FAT2: variants seen among roughly 807,000 people sequenced by gnomAD.
The protein encoded by FAT2 is FAT atypical cadherin 2, also known as protocadherin Fat 2.
Under a neutral mutation model 295.3 loss-of-function variants are expected in FAT2, and 150 were observed. That is an observed-to-expected ratio of 0.51 (90% CI 0.44 to 0.58). FAT2 has a LOEUF of 0.58. Among genes scored for constraint, FAT2 ranks in the 20% least tolerant of loss-of-function variants. FAT2 has a pLI of 0.00. For synonymous variants in FAT2, 2,026 were observed against 2,150.3 expected (o/e 0.94, Z 1.60); for missense variants, 4,868 against 5,442.7 (o/e 0.89, Z 3.32).
At chr5:151,535,985 A>G (rs890780926) in intron 12 of FAT2, among the ~76,000 whole-genome samples, 5 of 152,186 alleles carry the variant, frequency 3.3e-5, no homozygotes, top group African/African-American at 1.2e-4. Context: ...ATGAATTATG[A>G]TAGAGCTTTG....
At chr5:151,517,207 TA>T (rs1752959279) in intron 20 of FAT2, among the ~76,000 whole-genome samples, 2 of 152,044 alleles carry the variant, frequency 1.3e-5, no homozygotes, top group Admixed American at 6.5e-5. Context: ...ATAATCCAAA[TA>T]ACTGAATGAT....
At chr5:151,553,050 G>T in intron 6 of FAT2, 127 bp downstream of exon 6, 1 of 863,692 alleles carries the variant, frequency 1.2e-6, no homozygotes, top group Non-Finnish European at 1.8e-6. Flanking sequence ...CCCCACTCCG[G>T]GCTGAAAGAG....
At chr5:151,553,467 C>T (rs1463478259) in intron 5 of FAT2, 80 bp from the exon 6 acceptor site, 3 of 1,253,914 alleles carry the variant, frequency 2.4e-6, no homozygotes, top group African/African-American at 1.5e-5. Flanking sequence ...GGAACCAGAG[C>T]GTCCTGTGAT....
chr5:151,567,893 T>A lies in FAT2; in HGVS notation c.1039A>T (p.Ile347Phe), dbSNP rs766932102. ...GAAGGTGGTAGGTGAAAGCCCCTGA[T>A]CTGGGAATAAAAATAAGGGCCGCTC... ...SGSGPYFYSQ[I>F]RGFHLPPSKL... Residue 347 changes from isoleucine to phenylalanine, a missense_variant, in exon 2 of 24, where the codon ATC becomes TTC. Around this residue, in one of 5 missense-constraint regions of FAT2, gnomAD observed 3,297 missense variants for 3,669.4 expected, o/e 0.90. Coordinates refer to ENST00000261800, the MANE Select transcript of FAT2 (RefSeq NM_001447.3). 1.9e-6 allele frequency: 3 copies of A among 1,614,004 alleles called. No individual in the cohort carries two copies. Among genetic ancestry groups the A allele is most frequent in the Non-Finnish European group, 2.5e-6 (3 of 1,179,988 alleles).
Position 151,568,145 on chromosome 5 carries a change from G to C in FAT2, c.787C>G (p.Pro263Ala). ...PPAIASVVVTPPDSNDGTTYA... is the reference protein window; with the variant it reads ...PPAIASVVVTAPDSNDGTTYA... ...GTGGTACCATCATTGCTGTCTGGTG[G>C]AGTCACCACCACCGAAGCAATGGCT... Residue 263 changes from proline (P) to alanine (A), a missense_variant, in exon 2 of 24, where the codon CCA (proline) becomes GCA (alanine). Physicochemically the swap from Pro to Ala is conservative, Grantham distance 27 (BLOSUM62 -1). Transcript: ENST00000261800. The C allele has an allele frequency of 6.2e-7, 1 of 1,614,154 alleles. No individual in the cohort carries two copies. The highest frequency in any genetic ancestry group is 8.5e-7 in the Non-Finnish European group (1 of 1,180,016).
rs753441394 is a variant in FAT2, at chr5:151,542,324, T to C, written c.8803A>G (p.Ile2935Val). The C allele has an allele frequency of 7.4e-6, 12 of 1,612,418 alleles. No individual in the cohort carries two copies. The highest frequency in any genetic ancestry group is 8.5e-6 in the Non-Finnish European group (10 of 1,179,140). ...GTGACCTGCCTGTTCTGCTCAGAAA[T>C]GTCAGCATCCAGGGTCTTTAGAGTC... is the stretch of plus-strand genomic sequence containing the variant. ...VATLKTLDAD[I>V]SEQNRQVTCY... The change falls in exon 10 of 24, where the codon ATT (isoleucine) becomes GTT (valine). Residue 2935 changes from isoleucine (I) to valine (V), a missense_variant. This residue lies in a region of FAT2 where 3,297 missense variants were observed against 3,669.4 expected (regional missense o/e 0.90). Coordinates refer to ENST00000261800, the MANE Select transcript of FAT2 (RefSeq NM_001447.3).
chr5:151,521,327 G>T lies in FAT2; in HGVS notation c.11266C>A (p.Leu3756Ile). 6.2e-7 allele frequency: 1 copy of T among 1,613,728 alleles called. No individual in the cohort carries two copies. The highest frequency in any genetic ancestry group is 8.5e-7 in the Non-Finnish European group (1 of 1,179,622). ...TGGTGCCGCGGGGTTAGGATGCTGA[G>T]CCTGGCGGTGCTGTACGTGGGCCCA... ...KVGPTYSTAR[L>I]SILTPRHHLQ... The change falls in exon 19 of 24, where the codon CTC becomes ATC. Residue 3756 changes from leucine (L) to isoleucine (I), a missense_variant. Leu to Ile is a conservative substitution (Grantham distance 5). This residue lies in a region of FAT2 where 1,046 missense variants were observed against 1,210.1 expected (regional missense o/e 0.86). Transcript: ENST00000261800.
chr5:151,522,124 C>T, intron 18 of FAT2, 38 bp from the exon 19 acceptor site: 1 of 1,487,294 alleles, frequency 6.7e-7, no homozygotes. Flanking sequence ...CCCAACAGAA[C>T]TGCAGTGCTC....
chr5:151,576,790 G>A (rs1209190323), intron 1 of FAT2, among the ~76,000 whole-genome samples: 1 of 152,096 alleles, frequency 6.6e-6, no homozygotes, highest in African/African-American at 2.4e-5. Context: ...AGTCATTCAT[G>A]GTTTTTGAGA....
Position 151,544,766 on chromosome 5 carries a change from A to G in FAT2, c.6361T>C (p.Tyr2121His). The change falls in exon 10 of 24, where the codon TAT becomes CAT. Residue 2121 changes from tyrosine (Y) to histidine (H), a missense_variant. Tyr to His is a moderately conservative substitution (Grantham distance 83, BLOSUM62 2). Around this residue, in one of 5 missense-constraint regions of FAT2, gnomAD observed 3,297 missense variants for 3,669.4 expected, o/e 0.90. Transcript: ENST00000261800. ...TTCTTGAGTGATATGTCCCCAAGATAGGGGTCAATTCGGAAATATGTGTAA... is the reference window on the plus strand; with the variant it reads ...TTCTTGAGTGATATGTCCCCAAGATGGGGGTCAATTCGGAAATATGTGTAA... ...EDYTYFRIDP[Y>H]LGDISLKKPF... The G allele has an allele frequency of 6.2e-7, 1 of 1,614,190 alleles. No homozygotes were observed. The highest frequency in any genetic ancestry group is 8.5e-7 in the Non-Finnish European group (1 of 1,180,028).
chr5:151,508,476 G>C (rs60166740), intron 22 of FAT2, among the ~76,000 whole-genome samples: 1 of 152,152 alleles, frequency 6.6e-6, no homozygotes, highest in Non-Finnish European at 1.5e-5. Context: ...TTGGGCAGCC[G>C]AGTCAGCGGG....
intron 5 of FAT2, among the ~76,000 whole-genome samples, chr5:151,553,888 C>T (rs1199971210): frequency 2.0e-5 from 3 of 152,208 alleles, no homozygotes; most frequent in South Asian, 2.1e-4. Flanking sequence ...ATTCACCTGC[C>T]AGATGAAATG....
In FAT2 at chr5:151,556,387, G is replaced by A. The variant is rs2127634801; in HGVS notation, c.3590C>T (p.Ala1197Val). 6.2e-7 allele frequency: 1 copy of A among 1,613,606 alleles called. No individual in the cohort carries two copies. ...CTTGTTCTCTCTGTCCAGCTGCTGG[G>A]CTGTAGATAGGAGACCTGAGAGAGA... Reference protein sequence around the residue: ...IHPVTGLLSTAQQLDRENKDE... With the variant: ...IHPVTGLLSTVQQLDRENKDE... The change falls in exon 4 of 24, where the codon GCC becomes GTC. Residue 1197 changes from alanine (A) to valine (V), a missense_variant. Around this residue, in one of 5 missense-constraint regions of FAT2, gnomAD observed 3,297 missense variants for 3,669.4 expected, o/e 0.90. Coordinates refer to ENST00000261800, the MANE Select transcript of FAT2 (RefSeq NM_001447.3).
chr5:151,521,286 G>A lies in FAT2; in HGVS notation c.11307C>T (p.Cys3769=), dbSNP rs1296100223. Residue 3769 remains cysteine (C), a synonymous_variant, in exon 19 of 24, where the codon TGC becomes TGT. Coordinates refer to ENST00000261800, the MANE Select transcript of FAT2 (RefSeq NM_001447.3). ...LTPRHHLQRS[C]SCNGTATRFS... ...AGATGTAGTACTTACCATTGCAGGA[G>A]CAGCTCCTCTGCAGGTGGTGCCGCG... 1.2e-6 allele frequency: 2 copies of A among 1,607,388 alleles called. No homozygotes were observed. Among genetic ancestry groups the A allele is most frequent in the Non-Finnish European group, 1.7e-6 (2 of 1,175,364 alleles).
chr5:151,564,241 A>G (rs575974078), intron 2 of FAT2, among the ~76,000 whole-genome samples: 42 of 152,246 alleles, frequency 2.8e-4, no homozygotes, highest in Non-Finnish European at 5.3e-4. Context: ...CTCATGGATC[A>G]TGCTGTACTG....
upstream of FAT2, among the ~76,000 whole-genome samples, chr5:151,592,614 T>A (rs1317544047): frequency 6.6e-6 from 1 of 152,222 alleles, no homozygotes; most frequent in Admixed American, 6.5e-5. Context: ...TAAGAATTAT[T>A]CATACCGTTG....
Position 151,568,314 on chromosome 5 carries a change from A to C in FAT2, c.618T>G (p.Ala206=), listed in dbSNP as rs1758377918. 6.2e-7 allele frequency: 1 copy of C among 1,614,078 alleles called. No homozygotes were observed. The highest frequency in any genetic ancestry group is 8.5e-7 in the Non-Finnish European group (1 of 1,180,040). Residue 206 remains alanine (A), a synonymous_variant, in exon 2 of 24, where the codon GCT becomes GCG. Coordinates refer to ENST00000261800, the MANE Select transcript of FAT2 (RefSeq NM_001447.3). Reference sequence around the variant, plus strand: ...CTCGCCAGGTGACGTTAAGCTTCCCAGCCACAGTGACCACACCGCTGGTGG... The same window carrying C: ...CTCGCCAGGTGACGTTAAGCTTCCCCGCCACAGTGACCACACCGCTGGTGG... ...IHPTSGVVTV[A]GKLNVTWRGK... is the part of the protein sequence containing the mutation.
chr5:151,563,739 G>A lies in FAT2; in HGVS notation c.3260-100C>T, dbSNP rs1339231761. The A allele has an allele frequency of 3.5e-6, 3 of 856,724 alleles. No individual in the cohort carries two copies. In the East Asian group the frequency reaches 7.8e-5, roughly 22 times the overall value. The allele number at this position is 856,724 out of a possible 1,614,324, so 53.1% of individuals were successfully genotyped here. A position where few individuals can be genotyped will look rare whatever the true frequency, so the allele number is the denominator to read the frequency against. On this transcript the variant is annotated intron_variant, in intron 2 of 23. Transcript: ENST00000261800. ...TTCCCCAAACCGCACTGTGGAAAGG[G>A]TATTAATAAGTAGATTTTCTATGAA...
intron 4 of FAT2, 36 bp downstream of exon 4, chr5:151,556,308 C>A (rs904370293): frequency 9.4e-6 from 15 of 1,595,086 alleles, no homozygotes; most frequent in Admixed American, 5.0e-5. Flanking sequence ...CATGGCTCCA[C>A]AAATCACCAC....
Sources: gnomAD v4.1 joint callset for allele counts (sites outside exome capture counted in the v4.1 genomes callset) on GRCh38, gnomAD v4.1.1 for gene constraint, gnomAD v4.1.1 regional missense constraint, MANE v1.5 for transcripts, NCBI Gene and HGNC (gene_info 2026-07-23, HGNC 2026-07-21) for gene names.